The following XPO5 variants were observed in gnomAD, a reference collection of about 807,000 sequenced individuals.
XPO5 encodes the protein exportin 5, also known as exportin-5.
Under a neutral mutation model 160.6 loss-of-function variants are expected in XPO5, and 46 were observed. That is an observed-to-expected ratio of 0.29 (90% confidence interval 0.23 to 0.37). The LOEUF is 0.37. Among genes scored for constraint, XPO5 ranks in the 10% least tolerant of loss-of-function variants. XPO5 has a pLI of 1.00. For synonymous variants in XPO5, 537 were observed against 519.3 expected, an observed-to-expected ratio of 1.03 and a Z score of -0.46; for missense variants, 1,090 against 1,463.9, an observed-to-expected ratio of 0.74 and a Z score of 4.17.
chr6:43,567,206 C>G lies in XPO5; in HGVS notation c.797G>C (p.Gly266Ala). Residue 266 changes from glycine to alanine, a missense_variant, in exon 7 of 32, where the codon GGA becomes GCA. By Grantham distance (60) the Gly-to-Ala change is moderately conservative (BLOSUM62 0). Coordinates refer to ENST00000265351, the MANE Select transcript of XPO5 (RefSeq NM_020750.3). ...LLLNEQELQL[G>A]AAECLLIAVS... ...TGCAATGAGAAGACACTCAGCGGCT[C>G]CCAACTGAAGTTCCTGTTCATTCAA... 6.2e-7 allele frequency: 1 copy of G among 1,613,608 alleles called. No homozygotes were observed. Among genetic ancestry groups the G allele is most frequent in the Non-Finnish European group, 8.5e-7 (1 of 1,179,768 alleles).
intron 20 of XPO5, among the ~76,000 whole-genome samples, chr6:43,545,797 C>T (rs1794938775): frequency 6.6e-6 from 1 of 152,044 alleles, no homozygotes; most frequent in African/African-American, 2.4e-5. Context: ...AAAAACCTAT[C>T]TTTTCATTTA....
intron 13 of XPO5, 105 bp downstream of exon 13, chr6:43,555,731 A>AT: frequency 7.0e-7 from 1 of 1,418,814 alleles, no homozygotes; most frequent in Non-Finnish European, 9.5e-7. Context: ...TTTGAATAGT[A>AT]TAAGTATATC....
At chr6:43,566,811 TA>T (rs56147929) in intron 7 of XPO5, among the ~76,000 whole-genome samples, 6,682 of 101,654 alleles carry the variant, frequency 0.066, 220 homozygotes, top group Non-Finnish European at 0.094. Flanking sequence ...CTGTTTCAAT[TA>T]AAAAAAAAAA....
At chr6:43,573,823 A>ATATTT (rs1491529922) in intron 1 of XPO5, among the ~76,000 whole-genome samples, 12 of 126,150 alleles carry the variant, frequency 9.5e-5, no homozygotes, top group Non-Finnish European at 1.8e-4. Flanking sequence ...ATATATATAT[A>ATATTT]TTTTTTTTTT....
At chr6:43,547,195 C>T (rs1795005730) in intron 19 of XPO5, 3 of 354,370 alleles carry the variant, frequency 8.5e-6, no homozygotes, top group Non-Finnish European at 1.1e-5. Context: ...GGGACTTGTG[C>T]CATAATGGAG....
chr6:43,529,432 T>A, intron 23 of XPO5: 1 of 326,594 alleles, frequency 3.1e-6, no homozygotes, highest in Non-Finnish European at 5.7e-6. Context: ...CGAGCGCCTG[T>A]AGTCCCAGCT....
rs1444747237 is a variant in XPO5, at chr6:43,524,633, G to A, written c.3315C>T (p.Arg1105=). 1 of 1,613,798 alleles carries A rather than the reference G, an allele frequency of 6.2e-7. No homozygotes were observed. Among genetic ancestry groups the A allele is most frequent in the Non-Finnish European group, 8.5e-7 (1 of 1,179,784 alleles). The part of the protein sequence containing the change: ...HLAFQIYEAL[R]PRYLEIRAVM... ...CAGCTCTTATCTCCAGGTACCTGGGGCGCTGATATCAGCAGGGATAAACTT... is the reference window on the plus strand; with the variant it reads ...CAGCTCTTATCTCCAGGTACCTGGGACGCTGATATCAGCAGGGATAAACTT... The change falls in exon 31 of 32, where the codon CGC becomes CGT. Residue 1105 remains arginine (R), a splice_region_variant and synonymous_variant. Coordinates refer to ENST00000265351, the MANE Select transcript of XPO5 (RefSeq NM_020750.3).
At chr6:43,574,038 C>G (rs1416916510) in intron 1 of XPO5, among the ~76,000 whole-genome samples, 1 of 151,900 alleles carries the variant, frequency 6.6e-6, no homozygotes, top group African/African-American at 2.4e-5. Context: ...TCATGTTGAC[C>G]AGGCTGGTCT....
At chr6:43,528,247 G>C (rs745548725) in intron 24 of XPO5, 42 bp from the exon 25 acceptor site, 6 of 1,548,008 alleles carry the variant, frequency 3.9e-6, no homozygotes, top group Admixed American at 3.8e-5. Context: ...ATTGGGGAAA[G>C]GATTGGAACA....
At chr6:43,571,439 T>A (rs1199389529) in intron 3 of XPO5, among the ~76,000 whole-genome samples, 1 of 151,858 alleles carries the variant, frequency 6.6e-6, no homozygotes, top group Admixed American at 6.6e-5. Flanking sequence ...TCATGTCTGT[T>A]ATTTAAAAAA....
At chr6:43,557,425 CAA>C (rs1227954173) in intron 12 of XPO5, among the ~76,000 whole-genome samples, 1 of 143,500 alleles carries the variant, frequency 7.0e-6, no homozygotes, top group African/African-American at 2.6e-5. Context: ...GACTCCATCT[CAA>C]AAAAAAAAGA....
In XPO5 at chr6:43,548,276, G is replaced by A; in HGVS notation, c.2045C>T (p.Ser682Phe). 1 of 1,610,268 alleles carries A rather than the reference G, an allele frequency of 6.2e-7. No individual in the cohort carries two copies. Among genetic ancestry groups the A allele is most frequent in the Non-Finnish European group, 8.5e-7 (1 of 1,177,760 alleles). Residue 682 changes from serine (S) to phenylalanine (F), a missense_variant, in exon 18 of 32, where the codon TCT becomes TTT. Around this residue, in one of 3 missense-constraint regions of XPO5, gnomAD observed 810 missense variants for 1,139.0 expected, o/e 0.71. Transcript: ENST00000265351. ...LMAPVASIWL[S>F]QDMHRVLSDV... ...TCTCCTTTACCTGTGCATGTCTTGA[G>A]AAAGCCAGATGCTGGCCACTGGTGC...
intron 15 of XPO5, 143 bp downstream of exon 15, chr6:43,551,155 G>T: frequency 3.9e-6 from 3 of 770,234 alleles, no homozygotes; most frequent in Non-Finnish European, 3.8e-6. Flanking sequence ...ACTCAGAAGG[G>T]TGAGGTGTGA....
At chr6:43,560,391 C>G in intron 10 of XPO5, 88 bp from the exon 11 acceptor site, 1 of 1,434,550 alleles carries the variant, frequency 7.0e-7, no homozygotes. Context: ...TACATTTTTT[C>G]ATAGAAATAA....
intron 11 of XPO5, chr6:43,558,891 T>C (rs1762254878): frequency 7.4e-6 from 2 of 269,596 alleles, no homozygotes; most frequent in African/African-American, 2.2e-5. Flanking sequence ...CAGTATGTAG[T>C]AAGGAAGAAA....
intron 23 of XPO5, 124 bp downstream of exon 23, chr6:43,530,564 T>G: frequency 8.4e-7 from 1 of 1,183,816 alleles, no homozygotes; most frequent in Non-Finnish European, 1.2e-6. Flanking sequence ...CATGATACAC[T>G]TAGATACATA....
At chr6:43,539,592 G>A (rs1473915974) in intron 20 of XPO5, 14 of 1,381,582 alleles carry the variant, frequency 1.0e-5, no homozygotes, top group East Asian at 2.3e-5. Flanking sequence ...CCACGGCTGC[G>A]ACCCCGGCCC....
chr6:43,559,766 G>A (rs1762308327), intron 11 of XPO5, among the ~76,000 whole-genome samples: 1 of 152,208 alleles, frequency 6.6e-6, no homozygotes, highest in Non-Finnish European at 1.5e-5. Context: ...AATATGTCCA[G>A]TAAAGGAATC....
Position 43,558,520 on chromosome 6 carries a change from G to A in XPO5, c.1293C>T (p.Asp431=). The A allele has an allele frequency of 6.2e-7, 1 of 1,603,364 alleles. No individual in the cohort carries two copies. The highest frequency in any genetic ancestry group is 1.7e-5 in the Admixed American group (1 of 58,240). Residue 431 remains aspartate (D), a synonymous_variant, in exon 12 of 32, where the codon GAC becomes GAT. Transcript: ENST00000265351. ...YSRFDFDSDE[D]FNAFFNSSRA... ...ACTTACAGTTGAAGAAAGCATTGAA[G>A]TCCTCATCGCTATCAAAATCAAACC...
Sources: allele counts gnomAD v4.1 joint callset (sites outside exome capture counted in the v4.1 genomes callset), GRCh38; gene constraint gnomAD v4.1.1; regional missense constraint gnomAD v4.1.1; transcripts MANE v1.5; gene names NCBI Gene and HGNC (gene_info 2026-07-23, HGNC 2026-07-21).